PIEZO2: variants seen among roughly 807,000 people sequenced by gnomAD.
The protein encoded by PIEZO2 is piezo-type mechanosensitive ion channel component 2.
Under a neutral mutation model 337.3 loss-of-function variants are expected in PIEZO2, and 172 were observed. The ratio of observed to expected loss-of-function variants is 0.51; its 90% CI spans 0.45 to 0.58. The LOEUF (loss-of-function observed/expected upper bound fraction) is 0.58. Among genes scored for constraint, PIEZO2 ranks in the 20% least tolerant of loss-of-function variants. PIEZO2 has a pLI of 0.00. For missense variants in PIEZO2, 3,028 were observed against 3,391.3 expected, an observed-to-expected ratio of 0.89 and a Z score of 2.66; for synonymous variants, 1,251 against 1,228.5, an observed-to-expected ratio of 1.02 and a Z score of -0.38.
At chr18:10,868,670 C>CTTA (rs1019350462) in intron 5 of PIEZO2, among the ~76,000 whole-genome samples, 4 of 152,094 alleles carry the variant, frequency 2.6e-5, no homozygotes, top group Admixed American at 6.6e-5. Context: ...ATACATAAGG[C>CTTA]TTACATATTC....
rs1281756619 is a variant in PIEZO2, at chr18:10,726,182, T to C, written c.5029+5225A>G. 6.6e-6 allele frequency among the ~76,000 whole-genome samples: 1 copy of C among 152,088 alleles called. No individual in the cohort carries two copies. The highest frequency in any genetic ancestry group is 1.5e-5 in the Non-Finnish European group (1 of 67,990). On this transcript the variant is annotated intron_variant, in intron 36 of 55. Coordinates refer to ENST00000674853, the MANE Select transcript of PIEZO2 (RefSeq NM_001378183.1). This position sits in a 1 kb window ranked among gnomAD's most constrained non-coding sequence, Gnocchi z 5.9. Reference sequence around the variant, plus strand: ...GAGGATTCATATATGTGAGCAACTGTGGATCCTTGGGTGCGAGTCCACCGG... The same window carrying C: ...GAGGATTCATATATGTGAGCAACTGCGGATCCTTGGGTGCGAGTCCACCGG...
rs2033446686 is a variant in PIEZO2, at chr18:10,954,767, G to A, written c.286+24768C>T. On this transcript the variant is annotated intron_variant, in intron 3 of 55. Coordinates refer to ENST00000674853, the MANE Select transcript of PIEZO2 (RefSeq NM_001378183.1). The surrounding 1 kb of genome is among the most constrained non-coding windows in gnomAD (Gnocchi z 4.2). ...ACAGGGGAGACCAGGAGGACCTGAAGCAACGCATGAGAAGCATCTGACGCT... is the reference window on the plus strand; with the variant it reads ...ACAGGGGAGACCAGGAGGACCTGAAACAACGCATGAGAAGCATCTGACGCT... Among the ~76,000 whole-genome samples the A allele has an allele frequency of 6.6e-6, 1 of 152,202 alleles. No individual in the cohort carries two copies. The highest frequency in any genetic ancestry group is 6.5e-5 in the Admixed American group (1 of 15,278).
rs2041703085 is a variant in PIEZO2, at chr18:10,856,284, G to C, written c.703+717C>G. On this transcript the variant is annotated intron_variant, in intron 6 of 55. Coordinates refer to ENST00000674853, the MANE Select transcript of PIEZO2 (RefSeq NM_001378183.1). The surrounding 1 kb of genome is among the most constrained non-coding windows in gnomAD (Gnocchi z 4.7). ...AGGAGTCTGTTTTATTGGGCATTTT[G>C]AAAGGACTCCTCATTAAAATGTTGT... 6.6e-6 allele frequency among the ~76,000 whole-genome samples: 1 copy of C among 152,132 alleles called. No homozygotes were observed. Among genetic ancestry groups the C allele is most frequent in the South Asian group, 2.1e-4 (1 of 4,822 alleles).
At chr18:11,072,827 G>A (rs1011219001) in intron 1 of PIEZO2, among the ~76,000 whole-genome samples, 1 of 152,102 alleles carries the variant, frequency 6.6e-6, no homozygotes, top group African/African-American at 2.4e-5. Flanking sequence ...GAAATGTCAA[G>A]GGCTCAGTAA....
intron 2 of PIEZO2, among the ~76,000 whole-genome samples, chr18:11,056,213 G>A (rs2037728629): frequency 6.6e-6 from 1 of 152,202 alleles, no homozygotes; most frequent in Admixed American, 6.5e-5. Context: ...TTGGGTCCAG[G>A]CTGCCCCTGG....
At chr18:10,722,884 G>A (rs549656732) in intron 36 of PIEZO2, among the ~76,000 whole-genome samples, 1 of 151,824 alleles carries the variant, frequency 6.6e-6, no homozygotes, top group African/African-American at 2.4e-5. Flanking sequence ...GACCAGCAAG[G>A]CATGAGAACT....
In PIEZO2 at chr18:10,760,835, G is replaced by T. The variant is rs2038097007; in HGVS notation, c.3450+76C>A. On this transcript the variant is annotated intron_variant, in intron 24 of 55. Coordinates refer to ENST00000674853, the MANE Select transcript of PIEZO2 (RefSeq NM_001378183.1). ...CCTGCAGATGTATCACAAAGTTCCAGTGGCCAATTGGCCAGAAGCAGTTCT... is the reference window on the plus strand; with the variant it reads ...CCTGCAGATGTATCACAAAGTTCCATTGGCCAATTGGCCAGAAGCAGTTCT... The T allele has an allele frequency of 3.3e-6, 4 of 1,223,926 alleles. No individual in the cohort carries two copies. In the East Asian group the frequency reaches 1.0e-4, roughly 31 times the overall value. The allele number at this position is 1,223,926 out of a possible 1,614,324, so 75.8% of individuals were successfully genotyped here.
intron 1 of PIEZO2, among the ~76,000 whole-genome samples, chr18:11,130,743 GCTGCATTTGGCT>G (rs2040317309): frequency 6.6e-6 from 1 of 152,196 alleles, no homozygotes; most frequent in South Asian, 2.1e-4. Context: ...AGGATAAGTT[GCTGCATTTGGCT>G]CCTACTACAA....
chr18:10,909,535 G>A (rs1267074315), intron 4 of PIEZO2, among the ~76,000 whole-genome samples: 8 of 145,796 alleles, frequency 5.5e-5, no homozygotes, highest in Non-Finnish European at 1.1e-4. Context: ...GCACTATTCT[G>A]GAAGAAATGG....
At position 10,819,563 on chromosome 18, in the gene PIEZO2, C is replaced by G. The variant is rs958371543; in HGVS notation, c.918-12289G>C. 1.6e-4 allele frequency among the ~76,000 whole-genome samples: 24 copies of G among 152,154 alleles called. No individual in the cohort carries two copies. Among genetic ancestry groups the G allele is most frequent in the African/African-American group, 5.8e-4 (24 of 41,444 alleles). On this transcript the variant is annotated intron_variant, in intron 7 of 55. Transcript: ENST00000674853. This position sits in a 1 kb window ranked among gnomAD's most constrained non-coding sequence, Gnocchi z 4.3. The stretch of plus-strand genomic sequence containing the variant: ...TCGAACATGTCACTTAACAAAAAAT[C>G]CAAAGATGAGCAGTTCCAGGTTAGC...
chr18:10,763,382 G>C (rs776992427), intron 21 of PIEZO2: 23 of 352,262 alleles, frequency 6.5e-5, no homozygotes, highest in Non-Finnish European at 1.1e-4. Context: ...TCCTGTGAGA[G>C]CGCCCAGAAG....
chr18:11,049,873 C>T (rs1258057204), intron 2 of PIEZO2, among the ~76,000 whole-genome samples: 3 of 152,176 alleles, frequency 2.0e-5, no homozygotes, highest in Admixed American at 2.0e-4. Flanking sequence ...ATGTCTTTAT[C>T]AGCAGCATGA....
intron 32 of PIEZO2, among the ~76,000 whole-genome samples, chr18:10,741,737 A>G (rs763468686): frequency 1.3e-5 from 2 of 152,224 alleles, no homozygotes; most frequent in African/African-American, 2.4e-5. Flanking sequence ...CGATTGAATG[A>G]TATTTTAGGT....
At position 11,083,575 on chromosome 18, in the gene PIEZO2, C is replaced by T. The variant is rs72874251; in HGVS notation, c.65-17353G>A. 0.18 allele frequency among the ~76,000 whole-genome samples: 27,551 copies of T among 151,974 alleles called. 3,044 individuals carry two copies. The highest frequency in any genetic ancestry group is 0.46 in the South Asian group (2,205 of 4,818). ...CTGCAGGGCACGGTGTGGGCTCTTC[C>T]TGTGGCATGCAGAACTTCCAAAGTT... On this transcript the variant is annotated intron_variant, in intron 1 of 55. Coordinates refer to ENST00000674853, the MANE Select transcript of PIEZO2 (RefSeq NM_001378183.1). This position sits in a 1 kb window ranked among gnomAD's most constrained non-coding sequence, Gnocchi z 4.4.
chr18:11,037,204 C>T (rs1364312722), intron 2 of PIEZO2, among the ~76,000 whole-genome samples: 3 of 152,128 alleles, frequency 2.0e-5, no homozygotes, highest in Non-Finnish European at 4.4e-5. Flanking sequence ...CATCCTTCGC[C>T]TCTAGCTTAT....
chr18:10,797,203 TATC>T (rs941075945), intron 12 of PIEZO2, among the ~76,000 whole-genome samples, 168 bp downstream of exon 12: 1 of 80,644 alleles, frequency 1.2e-5, no homozygotes, highest in Non-Finnish European at 3.8e-5. Context: ...CATACCATCA[TATC>T]ATATCTTACA....
intron 4 of PIEZO2, among the ~76,000 whole-genome samples, chr18:10,898,695 G>T (rs1462096194): frequency 6.6e-6 from 1 of 152,194 alleles, no homozygotes; most frequent in Non-Finnish European, 1.5e-5. Context: ...AAGATCAGGG[G>T]AAGGGCCATT....
chr18:10,760,487 A>T (rs2865117), intron 24 of PIEZO2, among the ~76,000 whole-genome samples: 123,295 of 152,116 alleles, frequency 0.81, 50,178 homozygotes, highest in East Asian at 0.91. Flanking sequence ...GTATTTTTAG[A>T]AGAGATGGGG....
intron 2 of PIEZO2, among the ~76,000 whole-genome samples, chr18:11,012,996 A>T (rs1876370): frequency 0.32 from 48,937 of 152,030 alleles, 8,151 homozygotes; most frequent in Non-Finnish European, 0.36. Flanking sequence ...GTGAGCTGTG[A>T]CTGCACTACC....
Sources: gnomAD v4.1 joint callset for allele counts (sites outside exome capture counted in the v4.1 genomes callset) on GRCh38, gnomAD v4.1.1 for gene constraint, Gnocchi (gnomAD v3.1) non-coding constraint, MANE v1.5 for transcripts, NCBI Gene and HGNC (gene_info 2026-07-23, HGNC 2026-07-21) for gene names.